The following ARMC8 variants were observed in gnomAD, a reference collection of about 807,000 sequenced individuals.
The protein encoded by ARMC8 is armadillo repeat-containing protein 8.
ARMC8 carries 20 observed loss-of-function variants against 99.3 expected under a neutral mutation model. That is an observed-to-expected ratio of 0.20 (90% CI 0.14 to 0.29). ARMC8 has a LOEUF of 0.29. ARMC8 is among the 10% of genes least tolerant of loss of function. The pLI, the probability that ARMC8 is intolerant of heterozygous loss-of-function variation, is 1.00. For missense variants in ARMC8, 569 were observed against 809.5 expected (o/e 0.70, Z 3.60); for synonymous variants, 263 against 278.3 (o/e 0.95, Z 0.55).
At position 138,274,464 on chromosome 3, in the gene ARMC8, A is replaced by G. The variant is rs749441650; in HGVS notation, c.1645A>G (p.Met549Val). 1 of 1,602,500 alleles carries G rather than the reference A, an allele frequency of 6.2e-7. No homozygotes were observed. The highest frequency in any genetic ancestry group is 2.2e-5 in the East Asian group (1 of 44,800). Reference protein sequence around the residue: ...LSTRPHIDKIMSTHGKQIMQA... With the variant: ...LSTRPHIDKIVSTHGKQIMQA... The stretch of plus-strand genomic sequence containing the variant: ...TGTTTTACAGCATATAGATAAAATA[A>G]TGAGTACTCATGGAAAGCAAATTAT... Residue 549 changes from methionine (M) to valine (V), a missense_variant, in exon 18 of 22, where the codon ATG becomes GTG. Physicochemically the swap from Met to Val is conservative, Grantham distance 21. This residue lies in a region of ARMC8 where 227 missense variants were observed against 417.9 expected (regional missense o/e 0.54). Coordinates refer to ENST00000469044, the MANE Select transcript of ARMC8 (RefSeq NM_001363941.2).
At chr3:138,291,405 T>C (rs1455614561) in intron 21 of ARMC8, among the ~76,000 whole-genome samples, 1 of 152,240 alleles carries the variant, frequency 6.6e-6, no homozygotes, top group Non-Finnish European at 1.5e-5. Context: ...TCTACTTTGC[T>C]ATCCCAGTCT....
intron 1 of ARMC8, among the ~76,000 whole-genome samples, chr3:138,192,253 A>G (rs1348330658): frequency 1.3e-5 from 2 of 149,994 alleles, no homozygotes; most frequent in Non-Finnish European, 3.0e-5. Context: ...AATGTTGAGA[A>G]TATTTTTATT....
At chr3:138,254,110 T>C (rs1324188814) in intron 12 of ARMC8, among the ~76,000 whole-genome samples, 1 of 152,248 alleles carries the variant, frequency 6.6e-6, no homozygotes, top group Non-Finnish European at 1.5e-5. Flanking sequence ...TGTCTAAATA[T>C]GATTTTATTT....
intron 12 of ARMC8, among the ~76,000 whole-genome samples, chr3:138,252,746 GCCCCCCC>G (rs753073185): frequency 0.02 from 100 of 4,982 alleles, 1 homozygote; most frequent in South Asian, 0.25. Context: ...GAGCCACCCC[GCCCCCCC>G]CCCCCCCCCA....
At chr3:138,238,277 G>A (rs1365286795) in intron 9 of ARMC8, 5 of 152,244 alleles carry the variant, frequency 3.3e-5, no homozygotes. Flanking sequence ...ATGTTGGTCA[G>A]GCTGGTCTCA....
chr3:138,263,982 TCCAAACCC>T (rs1290875703), intron 13 of ARMC8, 141 bp from the exon 14 acceptor site: 1 of 953,738 alleles, frequency 1.0e-6, no homozygotes, highest in Non-Finnish European at 1.6e-6. Flanking sequence ...GAGCCTGGCC[TCCAAACCC>T]CATAAAGTGG....
rs1197444870 is a variant in ARMC8, at chr3:138,264,119, T to G, written c.1218-12T>G. The stretch of plus-strand genomic sequence containing the variant: ...GATTTCTTGTGAAGCTAATTTTGAT[T>G]ATTCTTTGTAGATGTTTGCACAGTT... On this transcript the variant is annotated splice_polypyrimidine_tract_variant and intron_variant, in intron 13 of 21. Coordinates refer to ENST00000469044, the MANE Select transcript of ARMC8 (RefSeq NM_001363941.2). 1 of 1,606,052 alleles carries G rather than the reference T, an allele frequency of 6.2e-7. No individual in the cohort carries two copies. Among genetic ancestry groups the G allele is most frequent in the African/African-American group, 1.3e-5 (1 of 74,682 alleles).
chr3:138,188,453 AG>A, intron 1 of ARMC8: 1 of 1,611,244 alleles, frequency 6.2e-7, no homozygotes, highest in Non-Finnish European at 8.5e-7. Context: ...CTCTTGAACC[AG>A]GACCAGGAAT....
chr3:138,253,238 A>T (rs930830904), intron 12 of ARMC8, among the ~76,000 whole-genome samples: 3 of 152,224 alleles, frequency 2.0e-5, no homozygotes, highest in Non-Finnish European at 4.4e-5. Flanking sequence ...TTGGGAAACC[A>T]TATACAACAG....
At chr3:138,263,948 G>C in intron 13 of ARMC8, 127 bp downstream of exon 13, 1 of 1,036,310 alleles carries the variant, frequency 9.6e-7, no homozygotes, top group Non-Finnish European at 1.5e-6. Flanking sequence ...TGAATTCATA[G>C]AGTATATAAC....
At chr3:138,241,747 A>G in intron 10 of ARMC8, 36 bp from the exon 11 acceptor site, 1 of 1,597,904 alleles carries the variant, frequency 6.3e-7, no homozygotes, top group Middle Eastern at 1.7e-4. Flanking sequence ...TTTTACCTTT[A>G]CCAAAAAGCA....
chr3:138,208,231 G>T (rs540798148), intron 1 of ARMC8, among the ~76,000 whole-genome samples: 199 of 152,302 alleles, frequency 1.3e-3, no homozygotes, highest in Non-Finnish European at 1.9e-3. Flanking sequence ...ACTTTGGGAG[G>T]CCAAGGCGGG....
intron 14 of ARMC8, among the ~76,000 whole-genome samples, chr3:138,265,937 T>G (rs1310403597): frequency 6.6e-6 from 1 of 152,140 alleles, no homozygotes; most frequent in Non-Finnish European, 1.5e-5. Flanking sequence ...TGGAGCTACT[T>G]CAGTGGAAGG....
At chr3:138,290,773 A>C (rs1427935372) in intron 21 of ARMC8, 134 bp downstream of exon 21, 2 of 645,492 alleles carry the variant, frequency 3.1e-6, no homozygotes, top group African/African-American at 3.7e-5. Context: ...ATAATTTTCT[A>C]TGAGCCACTG....
At chr3:138,230,129 C>T (rs1263913290) in intron 6 of ARMC8, among the ~76,000 whole-genome samples, 37 of 152,148 alleles carry the variant, frequency 2.4e-4, no homozygotes, top group Admixed American at 2.4e-3. Flanking sequence ...TCTTGGATTA[C>T]GTTGACAAAG....
rs781553420 is a variant in ARMC8 at position 138,289,120 on chromosome 3, G to A, written c.1894G>A (p.Gly632Ser). 1 of 1,611,498 alleles carries A rather than the reference G, an allele frequency of 6.2e-7. No individual in the cohort carries two copies. The highest frequency in any genetic ancestry group is 1.7e-5 in the Admixed American group (1 of 59,906). Residue 632 changes from glycine (G) to serine (S), a missense_variant and splice_region_variant, in exon 20 of 22, where the codon GGT becomes AGT. Physicochemically the swap from Gly to Ser is moderately conservative, Grantham distance 56 (BLOSUM62 0). Transcript: ENST00000469044. ...AAACCTCATATGGAATGAAGAGGAA[G>A]GTAAGAGATTGGTGAGATTTGTTTT... is the stretch of plus-strand genomic sequence containing the variant. ...ISNLIWNEEE[G>S]SQERQDKLRD...
chr3:138,205,060 C>CTTTTCT (rs2044285992), intron 1 of ARMC8, among the ~76,000 whole-genome samples: 1 of 93,284 alleles, frequency 1.1e-5, no homozygotes, highest in Admixed American at 1.3e-4. Context: ...CTTTTCTTTT[C>CTTTTCT]TTTTTTTTTT....
chr3:138,265,929 G>C (rs2048238452), intron 14 of ARMC8, among the ~76,000 whole-genome samples: 1 of 152,162 alleles, frequency 6.6e-6, no homozygotes, highest in Admixed American at 6.5e-5. Context: ...ATGAACCCTG[G>C]AGCTACTTCA....
chr3:138,256,250 C>G (rs544472698), intron 12 of ARMC8, among the ~76,000 whole-genome samples: 1 of 152,248 alleles, frequency 6.6e-6, no homozygotes, highest in East Asian at 1.9e-4. Flanking sequence ...CAGTGGAACT[C>G]TGTGGTTTCT....
Sources: gnomAD v4.1 joint callset for allele counts (sites outside exome capture counted in the v4.1 genomes callset) on GRCh38, gnomAD v4.1.1 for gene constraint, gnomAD v4.1.1 regional missense constraint, MANE v1.5 for transcripts, NCBI Gene and HGNC (gene_info 2026-07-23, HGNC 2026-07-21) for gene names.